SUPT7L: variants seen among roughly 807,000 people sequenced by gnomAD.
The protein encoded by SUPT7L is STAGA complex 65 subunit gamma.
Under a neutral mutation model 35.7 loss-of-function variants are expected in SUPT7L, and 15 were observed. That is an observed-to-expected ratio of 0.42 (90% confidence interval 0.28 to 0.65). The LOEUF is 0.65. Ranked by LOEUF, SUPT7L falls within the 30% of genes least tolerant of loss-of-function variation. The probability of loss-of-function intolerance (pLI) is 0.23; values close to 1 mark genes in which losing one functional copy is unlikely to be tolerated. For missense variants in SUPT7L, 434 were observed against 522.2 expected (o/e 0.83, Z 1.65); for synonymous variants, 168 against 186.2 (o/e 0.90, Z 0.79).
chr2:27,653,303 A>C lies in SUPT7L; in HGVS notation c.*182T>G. The C allele has an allele frequency of 1.2e-6, 1 of 836,516 alleles. No individual in the cohort carries two copies. The highest frequency in any genetic ancestry group is 2.7e-5 in the East Asian group (1 of 37,166). 51.8% of individuals were successfully genotyped at this position (836,516 alleles called of 1,614,324 possible). A position where few individuals can be genotyped will look rare whatever the true frequency, so the allele number is the denominator to read the frequency against. Reference sequence around the variant, plus strand: ...GGTGGCTTGGTTGTGGAAAACTATAAAAACTGGATGCAAAAGTAAAATGCA... The same window carrying C: ...GGTGGCTTGGTTGTGGAAAACTATACAAACTGGATGCAAAAGTAAAATGCA... On this transcript the variant is annotated 3_prime_UTR_variant, in exon 6 of 6. Transcript: ENST00000337768.
At chr2:27,647,318 C>T (rs761576976), downstream of SUPT7L, among the ~76,000 whole-genome samples, 5 of 152,206 alleles carry the variant, frequency 3.3e-5, no homozygotes, top group Non-Finnish European at 7.3e-5. Context: ...AATTTTACTT[C>T]TATTAGTGTA....
intron 2 of SUPT7L, chr2:27,661,853 G>A (rs892802983): frequency 2.4e-6 from 1 of 419,088 alleles, no homozygotes; most frequent in Non-Finnish European, 4.3e-6. Flanking sequence ...GGATCAATAG[G>A]AGAAAAACTA....
intron 3 of SUPT7L, among the ~76,000 whole-genome samples, chr2:27,659,450 T>C (rs756948777): frequency 3.0e-4 from 45 of 152,260 alleles, no homozygotes; most frequent in Middle Eastern, 3.4e-3. Context: ...AATCCAGTAA[T>C]TGGGACATTC....
intron 3 of SUPT7L, among the ~76,000 whole-genome samples, chr2:27,658,467 T>A (rs1674900480): frequency 6.6e-6 from 1 of 152,230 alleles, no homozygotes; most frequent in Non-Finnish European, 1.5e-5. Flanking sequence ...AAGAAAGCTA[T>A]TTGATCTAAA....
At chr2:27,654,415 G>A (rs1674698993) in intron 5 of SUPT7L, among the ~76,000 whole-genome samples, 1 of 152,172 alleles carries the variant, frequency 6.6e-6, no homozygotes. Flanking sequence ...TGCTATTTGA[G>A]TCATTTGTGC....
chr2:27,663,134 T>A (rs1416290180), intron 1 of SUPT7L, among the ~76,000 whole-genome samples, 195 bp downstream of exon 1: 1 of 151,978 alleles, frequency 6.6e-6, no homozygotes, highest in Non-Finnish European at 1.5e-5. Flanking sequence ...ATGAGGCTAA[T>A]AATCTTATCC....
chr2:27,655,624 T>C, intron 4 of SUPT7L, 22 bp from the exon 5 acceptor site: 1 of 1,542,718 alleles, frequency 6.5e-7, no homozygotes, highest in Non-Finnish European at 8.7e-7. Flanking sequence ...CAAGAGTCAA[T>C]TTTCCAAGGA....
chr2:27,657,695 A>G lies in SUPT7L; in HGVS notation c.420-26T>C. Reference sequence around the variant, plus strand: ...CTGAAAGTGGAGATACGGTGGTGTTATTAATGTTCTTGCAAAGGGGTGACC... The same window carrying G: ...CTGAAAGTGGAGATACGGTGGTGTTGTTAATGTTCTTGCAAAGGGGTGACC... On this transcript the variant is annotated intron_variant, in intron 3 of 5. Transcript: ENST00000337768. This position sits in a 1 kb window ranked among gnomAD's most constrained non-coding sequence, Gnocchi z 5.2. 1 of 1,589,602 alleles carries G rather than the reference A, an allele frequency of 6.3e-7. No individual in the cohort carries two copies. Among genetic ancestry groups the G allele is most frequent in the Non-Finnish European group, 8.6e-7 (1 of 1,165,930 alleles).
rs1022158166 is a variant in SUPT7L at position 27,651,083 on chromosome 2, C to T, written c.*2402G>A. The T allele has an allele frequency of 6.6e-6, 1 of 152,310 alleles. No individual in the cohort carries two copies. Among genetic ancestry groups the T allele is most frequent in the Non-Finnish European group, 1.5e-5 (1 of 68,026 alleles). The allele number at this position is 152,310 out of a possible 1,614,324, so 9.4% of individuals were successfully genotyped here. ...TCTCCTTGGTGATTTTCGCAAAGTC[C>T]GTGGATTTGGGTCAGAGGCACATTT... is the stretch of plus-strand genomic sequence containing the variant. On this transcript the variant is annotated 3_prime_UTR_variant, in exon 6 of 6. Transcript: ENST00000337768.
At chr2:27,659,559 T>G (rs1674956660) in intron 3 of SUPT7L, among the ~76,000 whole-genome samples, 1 of 152,136 alleles carries the variant, frequency 6.6e-6, no homozygotes, top group Admixed American at 6.5e-5. Context: ...GAAAAGACAT[T>G]TACAAAAGAT....
intron 1 of SUPT7L, among the ~76,000 whole-genome samples, chr2:27,662,955 T>C (rs929281922): frequency 6.7e-4 from 94 of 139,620 alleles, no homozygotes; most frequent in African/African-American, 2.3e-3. Flanking sequence ...TTTTTCTTTT[T>C]TTTTTTTTTT....
intron 3 of SUPT7L, among the ~76,000 whole-genome samples, chr2:27,658,447 G>GA (rs1303919906): frequency 6.6e-6 from 1 of 151,828 alleles, no homozygotes; most frequent in Non-Finnish European, 1.5e-5. Flanking sequence ...AATTTTCCAA[G>GA]AAAAAAATTA....
intron 5 of SUPT7L, 79 bp downstream of exon 5, chr2:27,655,286 G>T: frequency 1.5e-6 from 2 of 1,316,836 alleles, no homozygotes; most frequent in Non-Finnish European, 2.1e-6. Context: ...TCTACCTCTT[G>T]AGCTTGATTC....
intron 5 of SUPT7L, among the ~76,000 whole-genome samples, chr2:27,654,066 T>C (rs1674683536): frequency 6.6e-6 from 1 of 152,136 alleles, no homozygotes; most frequent in South Asian, 2.1e-4. Flanking sequence ...CCCAAAGACA[T>C]GCACAACCAC....
chr2:27,655,780 T>G (rs532081476), intron 4 of SUPT7L, among the ~76,000 whole-genome samples, 178 bp from the exon 5 acceptor site: 2 of 152,314 alleles, frequency 1.3e-5, no homozygotes, highest in African/African-American at 4.8e-5. Flanking sequence ...GATAGAGATA[T>G]GTAAAGAAAA....
rs2148105247 is a variant in SUPT7L, at chr2:27,652,302, AT to A, written c.*1182del. 6.6e-6 allele frequency: 1 copy of A among 152,504 alleles called. No homozygotes were observed. The highest frequency in any genetic ancestry group is 2.1e-4 in the South Asian group (1 of 4,832). 9.4% of individuals were successfully genotyped at this position (152,504 alleles called of 1,614,324 possible). ...TTCATTTATTCTCAATACCTGGGAC[AT>A]TTAAGGCATTCAATAATGAATTAAA... On this transcript the variant is annotated 3_prime_UTR_variant, in exon 6 of 6. Coordinates refer to ENST00000337768, the MANE Select transcript of SUPT7L (RefSeq NM_014860.3).
At chr2:27,647,280 C>G (rs910586469), downstream of SUPT7L, among the ~76,000 whole-genome samples, 4 of 152,198 alleles carry the variant, frequency 2.6e-5, no homozygotes, top group African/African-American at 7.2e-5. Flanking sequence ...TACTGGAGCT[C>G]AGCCCTCACT....
intron 3 of SUPT7L, among the ~76,000 whole-genome samples, chr2:27,658,066 T>A (rs1384218637): frequency 6.6e-6 from 1 of 152,214 alleles, no homozygotes; most frequent in East Asian, 1.9e-4. Context: ...TGCTGGGCAA[T>A]ATATTAATAC....
chr2:27,645,469 T>C, the SUPT7L span, among the ~76,000 whole-genome samples: 1 of 152,148 alleles, frequency 6.6e-6, no homozygotes. Context: ...AAAAGCTTTT[T>C]GGTATTTTAG....
Sources: allele counts gnomAD v4.1 joint callset (sites outside exome capture counted in the v4.1 genomes callset), GRCh38; gene constraint gnomAD v4.1.1; non-coding constraint Gnocchi (gnomAD v3.1); transcripts MANE v1.5; gene names NCBI Gene and HGNC (gene_info 2026-07-23, HGNC 2026-07-21).